Variants in KIF1B observed in about 807,000 individuals in gnomAD.
KIF1B encodes kinesin-like protein KIF1B.
Under a neutral mutation model 241.9 loss-of-function variants are expected in KIF1B, and 76 were observed. That is an observed-to-expected ratio of 0.31 (90% CI 0.26 to 0.38). The LOEUF is 0.38. KIF1B is among the 10% of genes least tolerant of loss of function. The probability of loss-of-function intolerance (pLI) is 1.00; values close to 1 mark genes in which losing one functional copy is unlikely to be tolerated. For synonymous variants in KIF1B, 750 were observed against 796.7 expected, an observed-to-expected ratio of 0.94 and a Z score of 0.99; for missense variants, 1,622 against 2,271.4, an observed-to-expected ratio of 0.71 and a Z score of 5.81.
At chr1:10,302,108 G>A (rs1364478142) in intron 22 of KIF1B, among the ~76,000 whole-genome samples, 1 of 152,138 alleles carries the variant, frequency 6.6e-6, no homozygotes, top group Non-Finnish European at 1.5e-5. Flanking sequence ...AAAATGTCCT[G>A]GGTTTTCTAG....
intron 36 of KIF1B, among the ~76,000 whole-genome samples, chr1:10,348,158 A>G (rs1652655522): frequency 6.6e-6 from 1 of 152,230 alleles, no homozygotes; most frequent in Admixed American, 6.5e-5. Context: ...CTTTCACACC[A>G]GAAGTTCTTA....
intron 1 of KIF1B, among the ~76,000 whole-genome samples, chr1:10,213,487 C>T (rs1258839411): frequency 5.3e-5 from 8 of 152,202 alleles, no homozygotes; most frequent in East Asian, 3.9e-4. Context: ...CTTTTTAGCC[C>T]ATTTTCTCAC....
intron 2 of KIF1B, among the ~76,000 whole-genome samples, chr1:10,248,062 G>C (rs966489152): frequency 6.6e-6 from 1 of 152,168 alleles, no homozygotes; most frequent in African/African-American, 2.4e-5. Context: ...GGACAGTACC[G>C]GTCTCTGGCC....
chr1:10,248,838 A>AT (rs1647292878), intron 2 of KIF1B, among the ~76,000 whole-genome samples: 1 of 152,192 alleles, frequency 6.6e-6, no homozygotes, highest in Non-Finnish European at 1.5e-5. Context: ...TGGCTCCCAG[A>AT]TCATCTGTGG....
At chr1:10,372,924 C>T (rs573829311) in intron 45 of KIF1B, among the ~76,000 whole-genome samples, 63 of 151,970 alleles carry the variant, frequency 4.1e-4, no homozygotes, top group African/African-American at 1.5e-3. Flanking sequence ...AGTGATTCTC[C>T]TGCCTCAGCC....
chr1:10,224,770 A>G (rs1646889455), intron 1 of KIF1B, among the ~76,000 whole-genome samples: 1 of 152,084 alleles, frequency 6.6e-6, no homozygotes, highest in Admixed American at 6.6e-5. Context: ...TAGTTTGTTG[A>G]CATCCAGTTA....
Position 10,303,663 on chromosome 1 carries a change from G to C in KIF1B, c.2115+6417G>C. 6.2e-7 allele frequency: 1 copy of C among 1,614,118 alleles called. No individual in the cohort carries two copies. Among genetic ancestry groups the C allele is most frequent in the South Asian group, 1.1e-5 (1 of 91,072 alleles). Reference sequence around the variant, plus strand: ...ACCTCAAGGTTCATATAGACAAGCTGGAAGATATTTTGCAAGAAGTCAAAA... The same window carrying C: ...ACCTCAAGGTTCATATAGACAAGCTCGAAGATATTTTGCAAGAAGTCAAAA... On this transcript the variant is annotated intron_variant, in intron 22 of 48. Coordinates refer to ENST00000676179, the MANE Select transcript of KIF1B (RefSeq NM_001365951.3). The surrounding 1 kb of genome is among the most constrained non-coding windows in gnomAD (Gnocchi z 5.2).
At chr1:10,285,539 G>A (rs1316729160) in intron 15 of KIF1B, among the ~76,000 whole-genome samples, 1 of 152,154 alleles carries the variant, frequency 6.6e-6, no homozygotes, top group African/African-American at 2.4e-5. Flanking sequence ...AAATTTCTCT[G>A]TTTTAATTCT....
At chr1:10,345,492 T>G (rs1652554835) in intron 34 of KIF1B, 1 of 309,060 alleles carries the variant, frequency 3.2e-6, no homozygotes, top group Non-Finnish European at 6.2e-6. Context: ...TTCCAAGCAT[T>G]GTCTCTCCCA....
intron 22 of KIF1B, chr1:10,305,885 G>A: frequency 3.8e-6 from 4 of 1,053,106 alleles, no homozygotes; most frequent in Non-Finnish European, 4.6e-6. Flanking sequence ...AAGAGCCAGA[G>A]ATGTCCGAAA....
intron 14 of KIF1B, among the ~76,000 whole-genome samples, chr1:10,281,741 A>G (rs556412044): frequency 3.9e-5 from 6 of 152,352 alleles, no homozygotes; most frequent in African/African-American, 1.2e-4. Flanking sequence ...TTTAAGACAT[A>G]TTAAAAATCC....
Position 10,324,159 on chromosome 1 carries a change from T to G in KIF1B, c.2537+97T>G, listed in dbSNP as rs959912912. 224 of 1,163,508 alleles carry G rather than the reference T, an allele frequency of 1.9e-4. 4 individuals are homozygous for G. The South Asian group carries it at 2.0e-3, about 10-fold the overall frequency. 72.1% of individuals were successfully genotyped at this position (1,163,508 alleles called of 1,614,324 possible). A position where few individuals can be genotyped will look rare whatever the true frequency, so the allele number is the denominator to read the frequency against. On this transcript the variant is annotated intron_variant, in intron 25 of 48. Transcript: ENST00000676179. ...CCAGCTCTCCTCTCTCTGAGGACAC[T>G]GTTGCTTACTTCCCTGTACTTTCTA...
At chr1:10,213,405 TC>T (rs1646722721) in intron 1 of KIF1B, among the ~76,000 whole-genome samples, 1 of 152,192 alleles carries the variant, frequency 6.6e-6, no homozygotes, top group Non-Finnish European at 1.5e-5. Flanking sequence ...CTTTCTTCTT[TC>T]CCATTTTGAT....
intron 22 of KIF1B, chr1:10,305,930 C>G (rs1650807166): frequency 1.9e-6 from 2 of 1,054,194 alleles, no homozygotes; most frequent in African/African-American, 3.3e-5. Context: ...ATTCCTAAGT[C>G]ACATGAAATC....
chr1:10,223,254 AAAAAC>A (rs967994290), intron 1 of KIF1B, among the ~76,000 whole-genome samples: 16 of 152,326 alleles, frequency 1.1e-4, no homozygotes, highest in East Asian at 5.8e-4. Flanking sequence ...ACTCTGTCTC[AAAAAC>A]AAAACAAAAC....
At chr1:10,259,683 A>G (rs1017255673) in intron 4 of KIF1B, among the ~76,000 whole-genome samples, 2 of 151,890 alleles carry the variant, frequency 1.3e-5, no homozygotes, top group East Asian at 1.9e-4. Flanking sequence ...TTGTATTTTT[A>G]GTAGAGGCGG....
chr1:10,334,734 A>G, intron 28 of KIF1B, 96 bp downstream of exon 28: 1 of 915,880 alleles, frequency 1.1e-6, no homozygotes, highest in South Asian at 1.3e-5. Flanking sequence ...TACACATACA[A>G]ACTGTGGGGA....
In KIF1B at chr1:10,230,485, G is replaced by T. The variant is rs186546084; in HGVS notation, c.-79-1765G>T. Among the ~76,000 whole-genome samples, 407 of 151,138 alleles carry T rather than the reference G, an allele frequency of 2.7e-3. 1 individual carries two copies. Among genetic ancestry groups the T allele is most frequent in the Admixed American group, 4.2e-3 (64 of 15,162 alleles). ...GAGTCTCACTCTGTGACCCAGGCTG[G>T]AGTGCAGTGGTGCGATCTCAGCTCA... On this transcript the variant is annotated intron_variant, in intron 1 of 48. Transcript: ENST00000676179.
intron 1 of KIF1B, among the ~76,000 whole-genome samples, chr1:10,213,856 G>C (rs1483720451): frequency 1.3e-5 from 2 of 152,058 alleles, no homozygotes; most frequent in Non-Finnish European, 2.9e-5. Context: ...GGTGCCTTGG[G>C]CCGGATGCAG....
Sources: gnomAD v4.1 joint callset for allele counts (sites outside exome capture counted in the v4.1 genomes callset) on GRCh38, gnomAD v4.1.1 for gene constraint, Gnocchi (gnomAD v3.1) non-coding constraint, MANE v1.5 for transcripts, NCBI Gene and HGNC (gene_info 2026-07-23, HGNC 2026-07-21) for gene names.